KCND2: variants seen among roughly 807,000 people sequenced by gnomAD.
KCND2 encodes the protein A-type voltage-gated potassium channel KCND2.
Under a neutral mutation model 54.4 loss-of-function variants are expected in KCND2, and 16 were observed. The ratio of observed to expected loss-of-function variants is 0.29; its 90% CI spans 0.20 to 0.45. KCND2 has a LOEUF of 0.45. Among genes scored for constraint, KCND2 ranks in the 20% least tolerant of loss-of-function variants. The pLI, the probability that KCND2 is intolerant of heterozygous loss-of-function variation, is 1.00. For synonymous variants in KCND2, 317 were observed against 310.7 expected (o/e 1.02, Z -0.21); for missense variants, 486 against 824.2 (o/e 0.59, Z 5.02).
At chr7:120,558,705 G>C (rs187665133) in intron 1 of KCND2, among the ~76,000 whole-genome samples, 4 of 152,242 alleles carry the variant, frequency 2.6e-5, no homozygotes, top group Non-Finnish European at 4.4e-5. Flanking sequence ...GTGGTGAGCT[G>C]ATGAATTTGT....
At position 120,394,136 on chromosome 7, in the gene KCND2, G is replaced by C. The variant is rs1013256962; in HGVS notation, c.1115+118389G>C. 6.6e-5 allele frequency among the ~76,000 whole-genome samples: 10 copies of C among 152,118 alleles called. No individual in the cohort carries two copies. The South Asian group carries it at 1.9e-3, about 28-fold the overall frequency. On this transcript the variant is annotated intron_variant, in intron 1 of 5. Transcript: ENST00000331113. ...ATCAATTCACTGAGACCGCATCATT[G>C]AAGTAAAGAGTTTAATTGATACAAG...
At chr7:120,644,667 TTAAGAA>T (rs1793416781) in intron 1 of KCND2, among the ~76,000 whole-genome samples, 1 of 152,206 alleles carries the variant, frequency 6.6e-6, no homozygotes, top group Admixed American at 6.5e-5. Flanking sequence ...AAAACGTCAA[TTAAGAA>T]TTTCATGATG....
chr7:120,551,745 A>G (rs982549430), intron 1 of KCND2, among the ~76,000 whole-genome samples: 1 of 152,224 alleles, frequency 6.6e-6, no homozygotes, highest in Admixed American at 6.5e-5. Context: ...ATAGCAATGT[A>G]TGATAGCCAC....
At chr7:120,389,701 ATATT>A (rs1801044517) in intron 1 of KCND2, among the ~76,000 whole-genome samples, 1 of 151,914 alleles carries the variant, frequency 6.6e-6, no homozygotes, top group South Asian at 2.1e-4. Flanking sequence ...CAGTATTGTT[ATATT>A]TAAATTCTAC....
rs115134558 is a variant in KCND2 at position 120,609,455 on chromosome 7, A to G, written c.1116-123448A>G. Among the ~76,000 whole-genome samples the G allele has an allele frequency of 5.2e-3, 794 of 152,240 alleles. 4 individuals carry two copies. The highest frequency in any genetic ancestry group is 0.017 in the African/African-American group (726 of 41,554). ...CTTTGCCAGAAACCGATCCACTCAT[A>G]TGGTCTAACCATCTTTGGGGAAGGC... On this transcript the variant is annotated intron_variant, in intron 1 of 5. Coordinates refer to ENST00000331113, the MANE Select transcript of KCND2 (RefSeq NM_012281.3).
intron 5 of KCND2, chr7:120,746,673 T>A (rs1055305481): frequency 2.6e-5 from 4 of 152,876 alleles, no homozygotes; most frequent in African/African-American, 9.6e-5. Flanking sequence ...TCACTGTTTT[T>A]ACCACAAATG....
intron 1 of KCND2, among the ~76,000 whole-genome samples, chr7:120,587,069 T>C (rs1792609448): frequency 6.6e-6 from 1 of 152,140 alleles, no homozygotes; most frequent in Non-Finnish European, 1.5e-5. Context: ...ATATTAAGTA[T>C]ATTTTAATAC....
At chr7:120,470,576 A>G (rs75119953) in intron 1 of KCND2, among the ~76,000 whole-genome samples, 4,122 of 152,170 alleles carry the variant, frequency 0.027, 86 homozygotes, top group Non-Finnish European at 0.045. Flanking sequence ...AAACTTTTTA[A>G]CTATCTGCTT....
intron 1 of KCND2, among the ~76,000 whole-genome samples, chr7:120,496,929 G>C (rs1186965067): frequency 6.6e-6 from 1 of 152,122 alleles, no homozygotes; most frequent in African/African-American, 2.4e-5. Context: ...ATGGCCTGTT[G>C]AGCTGAATAC....
At chr7:120,524,126 T>A (rs1791740630) in intron 1 of KCND2, among the ~76,000 whole-genome samples, 1 of 151,828 alleles carries the variant, frequency 6.6e-6, no homozygotes, top group South Asian at 2.1e-4. Flanking sequence ...TCTCAGCTAC[T>A]CAGCAGGCTG....
intron 1 of KCND2, among the ~76,000 whole-genome samples, chr7:120,280,146 A>G (rs541391795): frequency 3.8e-4 from 58 of 152,204 alleles, no homozygotes; most frequent in African/African-American, 1.2e-3. Flanking sequence ...TTGACATACT[A>G]TGACATATTT....
chr7:120,599,395 G>T (rs1180017454), intron 1 of KCND2, among the ~76,000 whole-genome samples: 1 of 151,894 alleles, frequency 6.6e-6, no homozygotes, highest in East Asian at 1.9e-4. Flanking sequence ...TTCTAGTATT[G>T]TATTAAATTA....
At chr7:120,333,324 A>G (rs899148968) in intron 1 of KCND2, among the ~76,000 whole-genome samples, 1 of 152,106 alleles carries the variant, frequency 6.6e-6, no homozygotes, top group Non-Finnish European at 1.5e-5. Context: ...AGATTAATTG[A>G]TGTAATTATG....
At chr7:120,672,870 TCTCTTTGGC>T in intron 1 of KCND2, 1 of 152,164 alleles carries the variant, frequency 6.6e-6, no homozygotes, top group East Asian at 1.9e-4. Flanking sequence ...AAATTTCTGC[TCTCTTTGGC>T]AGCACGTGTA....
chr7:120,464,091 T>A, intron 1 of KCND2: 3 of 983,064 alleles, frequency 3.1e-6, no homozygotes, highest in Non-Finnish European at 3.6e-6. Context: ...CCAAAGCACA[T>A]CACAGGATTG....
intron 1 of KCND2, among the ~76,000 whole-genome samples, chr7:120,622,168 G>C (rs1216277410): frequency 6.6e-6 from 1 of 152,026 alleles, no homozygotes; most frequent in Non-Finnish European, 1.5e-5. Context: ...TAGGCAAATG[G>C]TTTATTACGA....
chr7:120,547,636 AT>A (rs1240502369), intron 1 of KCND2, among the ~76,000 whole-genome samples: 1 of 151,998 alleles, frequency 6.6e-6, no homozygotes, highest in Non-Finnish European at 1.5e-5. Context: ...TGAATAAATT[AT>A]TTACCCATCT....
chr7:120,412,391 A>G (rs1280330590), intron 1 of KCND2, among the ~76,000 whole-genome samples: 3 of 152,028 alleles, frequency 2.0e-5, no homozygotes, highest in Admixed American at 1.3e-4. Context: ...TTTCATATGT[A>G]TTGCAGAGAG....
intron 1 of KCND2, among the ~76,000 whole-genome samples, chr7:120,395,418 A>G (rs1329949229): frequency 2.0e-5 from 3 of 152,070 alleles, no homozygotes; most frequent in Non-Finnish European, 4.4e-5. Flanking sequence ...TTCCAATTAC[A>G]TGGAAATTGC....
Sources: allele counts gnomAD v4.1 joint callset (sites outside exome capture counted in the v4.1 genomes callset), GRCh38; gene constraint gnomAD v4.1.1; transcripts MANE v1.5; gene names NCBI Gene and HGNC (gene_info 2026-07-23, HGNC 2026-07-21).